APLF: variants seen among roughly 807,000 people sequenced by gnomAD.
The protein encoded by APLF is aprataxin and PNK-like factor.
Under a neutral mutation model 55.6 loss-of-function variants are expected in APLF, and 61 were observed. The ratio of observed to expected loss-of-function variants is 1.10; its 90% CI spans 0.89 to 1.36. APLF has a LOEUF of 1.36. Among genes scored for constraint, APLF ranks in the 40% most tolerant of loss-of-function variants. The pLI is 0.00. For synonymous variants in APLF, 207 were observed against 214.8 expected (o/e 0.96, Z 0.32); for missense variants, 611 against 602.5 (o/e 1.01, Z -0.15).
Position 68,579,272 on chromosome 2 carries a change from T to C in APLF, c.*1250T>C, listed in dbSNP as rs945769787. The C allele has an allele frequency of 3.6e-6, 3 of 844,672 alleles. No individual in the cohort carries two copies. The highest frequency in any genetic ancestry group is 4.3e-6 in the Non-Finnish European group (3 of 702,104). The allele number at this position is 844,672 out of a possible 1,614,324, so 52.3% of individuals were successfully genotyped here. A position where few individuals can be genotyped will look rare whatever the true frequency, so the allele number is the denominator to read the frequency against. ...GAATAAGATAAACATTTCTCTAGAC[T>C]ATAACCTATTATTCTGATTTTTATC... On this transcript the variant is annotated 3_prime_UTR_variant, in exon 10 of 10. Transcript: ENST00000303795.
intron 3 of APLF, among the ~76,000 whole-genome samples, chr2:68,507,639 G>A (rs1307654537): frequency 6.6e-6 from 1 of 151,894 alleles, no homozygotes; most frequent in African/African-American, 2.4e-5. Context: ...ATTTCACTTA[G>A]AAGCACTAAT....
chr2:68,576,329 A>G (rs905065935), intron 9 of APLF, among the ~76,000 whole-genome samples: 1 of 152,174 alleles, frequency 6.6e-6, no homozygotes, highest in African/African-American at 2.4e-5. Context: ...TTTTAAAAAT[A>G]TGGGTAACTG....
chr2:68,510,605 A>G (rs902858067), intron 3 of APLF, among the ~76,000 whole-genome samples: 3 of 151,876 alleles, frequency 2.0e-5, no homozygotes, highest in Admixed American at 6.6e-5. Flanking sequence ...TCTTTGGAAC[A>G]TATTCTGGCA....
At chr2:68,471,085 C>T (rs1408205902) in intron 1 of APLF, among the ~76,000 whole-genome samples, 1 of 152,170 alleles carries the variant, frequency 6.6e-6, no homozygotes, top group African/African-American at 2.4e-5. Flanking sequence ...TATTATTTAG[C>T]CTACAACCAG....
intron 9 of APLF, chr2:68,568,425 C>A: frequency 2.0e-6 from 1 of 508,194 alleles, no homozygotes; most frequent in Non-Finnish European, 2.5e-6. Flanking sequence ...CACTTTAGTG[C>A]TTTAGTACTC....
chr2:68,469,738 G>C (rs1314922461), intron 1 of APLF, among the ~76,000 whole-genome samples: 1 of 152,190 alleles, frequency 6.6e-6, no homozygotes, highest in East Asian at 1.9e-4. Context: ...AGCAATTCCA[G>C]TGAGATTTAT....
chr2:68,520,179 T>G (rs1165517536), intron 5 of APLF, among the ~76,000 whole-genome samples: 3 of 152,108 alleles, frequency 2.0e-5, no homozygotes, highest in East Asian at 3.9e-4. Flanking sequence ...GCTTTTTTCT[T>G]GCTGATTTGT....
rs1465372322 is a variant in APLF, at chr2:68,567,326, G to T, written c.1287-15G>T. On this transcript the variant is annotated splice_polypyrimidine_tract_variant and intron_variant, in intron 8 of 9. Coordinates refer to ENST00000303795, the MANE Select transcript of APLF (RefSeq NM_173545.3). ...AATTGGAAGACTAGCTCTTATTTTT[G>T]CATTCTTCTTTCAGGAAGAATCCCC... 6.3e-7 allele frequency: 1 copy of T among 1,599,802 alleles called. No individual in the cohort carries two copies. The highest frequency in any genetic ancestry group is 8.5e-7 in the Non-Finnish European group (1 of 1,172,098).
At chr2:68,550,460 G>A (rs1161000102) in intron 8 of APLF, among the ~76,000 whole-genome samples, 3 of 152,032 alleles carry the variant, frequency 2.0e-5, no homozygotes, top group Admixed American at 1.3e-4. Context: ...TCAAACTTCT[G>A]ATCTCAAGTG....
intron 7 of APLF, among the ~76,000 whole-genome samples, chr2:68,541,790 A>G (rs1670558775): frequency 6.6e-6 from 1 of 152,194 alleles, no homozygotes; most frequent in Non-Finnish European, 1.5e-5. Context: ...TTTGGCAGAA[A>G]TAGAAAAAAT....
intron 7 of APLF, 61 bp downstream of exon 7, chr2:68,538,288 T>C: frequency 2.1e-6 from 3 of 1,410,670 alleles, no homozygotes; most frequent in Non-Finnish European, 2.9e-6. Flanking sequence ...GCTATGTAGA[T>C]ACATGCTACA....
rs773979409 is a variant in APLF, at chr2:68,526,069, A to G, written c.631A>G (p.Ile211Val). 5.0e-6 allele frequency: 8 copies of G among 1,612,484 alleles called. No homozygotes were observed. The East Asian group carries it at 1.8e-4, about 36-fold the overall frequency. Residue 211 changes from isoleucine (I) to valine (V), a missense_variant, in exon 6 of 10, where the codon ATC becomes GTC. Coordinates refer to ENST00000303795, the MANE Select transcript of APLF (RefSeq NM_173545.3). ...TTCTTTATGTGTTTAAGGTAATGTA[A>G]TCCAGGGAAGTGGAAAAGAAGAAAT... The part of the protein sequence containing the change: ...SVPAISGGNV[I>V]QGSGKEEICK...
chr2:68,541,963 T>C (rs1055431306), intron 7 of APLF, among the ~76,000 whole-genome samples: 1 of 152,134 alleles, frequency 6.6e-6, no homozygotes, highest in Non-Finnish European at 1.5e-5. Context: ...TGGAATAGAC[T>C]AGAGAGCCTA....
chr2:68,526,063 A>C lies in APLF; in HGVS notation c.625A>C (p.Asn209His). 1 of 1,611,094 alleles carries C rather than the reference A, an allele frequency of 6.2e-7. No homozygotes were observed. The highest frequency in any genetic ancestry group is 1.7e-4 in the Middle Eastern group (1 of 6,054). ...TTCTTTTTCTTTATGTGTTTAAGGT[A>C]ATGTAATCCAGGGAAGTGGAAAAGA... ...NLSVPAISGG[N>H]VIQGSGKEEI... The change falls in exon 6 of 10, where the codon AAT becomes CAT. Residue 209 changes from asparagine to histidine, a missense_variant and splice_region_variant. Coordinates refer to ENST00000303795, the MANE Select transcript of APLF (RefSeq NM_173545.3).
intron 5 of APLF, among the ~76,000 whole-genome samples, chr2:68,517,135 ATAT>A (rs1471498818): frequency 3.2e-4 from 40 of 125,308 alleles, no homozygotes; most frequent in Non-Finnish European, 2.6e-4. Context: ...GATCTATAAC[ATAT>A]TAATATATGT....
chr2:68,518,004 T>G (rs1669688115), intron 5 of APLF, among the ~76,000 whole-genome samples: 1 of 140,224 alleles, frequency 7.1e-6, no homozygotes. Flanking sequence ...TGTTAATATA[T>G]AACAGTAATA....
At chr2:68,498,738 CAG>C (rs2103925149) in intron 2 of APLF, among the ~76,000 whole-genome samples, 1 of 152,374 alleles carries the variant, frequency 6.6e-6, no homozygotes, top group East Asian at 1.9e-4. Context: ...GTTATGCCCT[CAG>C]GGCGAATTCA....
intron 5 of APLF, among the ~76,000 whole-genome samples, chr2:68,524,241 T>C (rs184224204): frequency 1.6e-4 from 25 of 152,354 alleles, no homozygotes; most frequent in African/African-American, 5.5e-4. Context: ...TATTTTCTAA[T>C]TTAGATTCAT....
chr2:68,498,711 T>C (rs1402004066), intron 2 of APLF, among the ~76,000 whole-genome samples: 1 of 152,266 alleles, frequency 6.6e-6, no homozygotes, highest in African/African-American at 2.4e-5. Flanking sequence ...TGTAAATGAC[T>C]GTATCACCAG....
Sources: allele counts gnomAD v4.1 joint callset (sites outside exome capture counted in the v4.1 genomes callset), GRCh38; gene constraint gnomAD v4.1.1; transcripts MANE v1.5; gene names NCBI Gene and HGNC (gene_info 2026-07-23, HGNC 2026-07-21).